The following RFX3 variants were observed in gnomAD, a reference collection of about 807,000 sequenced individuals.
RFX3 encodes transcription factor RFX3.
A neutral mutation model predicts 98.6 loss-of-function variants in RFX3; 14 were observed. That is an observed-to-expected ratio of 0.14 (90% confidence interval 0.09 to 0.22). The LOEUF (loss-of-function observed/expected upper bound fraction) is 0.22, where lower values mean the gene tolerates loss of function less well. Among genes scored for constraint, RFX3 ranks in the 10% least tolerant of loss-of-function variants. The pLI, the probability that RFX3 is intolerant of heterozygous loss-of-function variation, is 1.00. For missense variants in RFX3, 639 were observed against 926.9 expected, an observed-to-expected ratio of 0.69 and a Z score of 4.03; for synonymous variants, 383 against 328.4, an observed-to-expected ratio of 1.17 and a Z score of -1.80.
intron 7 of RFX3, among the ~76,000 whole-genome samples, chr9:3,280,527 C>A (rs74861110): frequency 7.2e-4 from 109 of 151,816 alleles, no homozygotes; most frequent in African/African-American, 2.6e-3. Context: ...CCTACCCTCA[C>A]CTCTGAAGTT....
intron 5 of RFX3, among the ~76,000 whole-genome samples, chr9:3,299,227 T>G (rs1436812168): frequency 6.6e-6 from 1 of 151,802 alleles, no homozygotes; most frequent in African/African-American, 2.4e-5. Flanking sequence ...ATTCACAGAA[T>G]GTAAAATACT....
At chr9:3,282,854 T>C (rs1457742261) in intron 7 of RFX3, among the ~76,000 whole-genome samples, 2 of 151,832 alleles carry the variant, frequency 1.3e-5, no homozygotes, top group East Asian at 3.9e-4. Context: ...AGTGAGCTTC[T>C]TGAATACAGC....
intron 16 of RFX3, among the ~76,000 whole-genome samples, chr9:3,225,642 G>C (rs1196614148): frequency 6.6e-6 from 1 of 152,126 alleles, no homozygotes; most frequent in African/African-American, 2.4e-5. Context: ...GGCTTTTGGG[G>C]AATGTACTGA....
At chr9:3,271,167 A>T (rs762714396) in intron 9 of RFX3, 49 bp from the exon 10 acceptor site, 37 of 1,510,818 alleles carry the variant, frequency 2.4e-5, no homozygotes, top group Admixed American at 3.3e-5. Flanking sequence ...TATTTACGGG[A>T]CTGTGTGAGG....
chr9:3,478,642 T>A (rs760782282), intron 1 of RFX3, among the ~76,000 whole-genome samples: 7 of 152,174 alleles, frequency 4.6e-5, no homozygotes, highest in Non-Finnish European at 1.0e-4. Context: ...GCTTACACAG[T>A]GCCTCAAGAT....
intron 3 of RFX3, among the ~76,000 whole-genome samples, chr9:3,331,954 G>T (rs538833507): frequency 5.4e-4 from 82 of 152,220 alleles, no homozygotes; most frequent in Admixed American, 2.9e-3. Flanking sequence ...TTTAACGTAT[G>T]ATGAGATTCC....
chr9:3,271,933 C>A (rs549504443), intron 9 of RFX3, among the ~76,000 whole-genome samples: 1 of 152,036 alleles, frequency 6.6e-6, no homozygotes, highest in African/African-American at 2.4e-5. Context: ...ACCTCCTTTA[C>A]GGAACAACCT....
intron 1 of RFX3, among the ~76,000 whole-genome samples, chr9:3,404,386 A>G (rs1401998360): frequency 6.6e-6 from 1 of 152,172 alleles, no homozygotes; most frequent in Non-Finnish European, 1.5e-5. Flanking sequence ...GATACTTAAC[A>G]GAAAAATTAT....
At chr9:3,403,800 C>T (rs1295264900) in intron 1 of RFX3, among the ~76,000 whole-genome samples, 1 of 152,134 alleles carries the variant, frequency 6.6e-6, no homozygotes, top group Non-Finnish European at 1.5e-5. Context: ...TACAGAGCCA[C>T]AAAAGAAACG....
intron 1 of RFX3, among the ~76,000 whole-genome samples, chr9:3,432,518 G>C (rs2132551376): frequency 6.6e-6 from 1 of 152,200 alleles, no homozygotes; most frequent in Middle Eastern, 3.4e-3. Context: ...CCCAGACTTT[G>C]TACATGACTT....
At chr9:3,306,712 G>T (rs1230998139) in intron 4 of RFX3, among the ~76,000 whole-genome samples, 1 of 151,334 alleles carries the variant, frequency 6.6e-6, no homozygotes, top group Non-Finnish European at 1.5e-5. Context: ...TAACAAACCT[G>T]CAGGTTGTGC....
chr9:3,359,974 T>C (rs1001353594), intron 2 of RFX3, among the ~76,000 whole-genome samples: 7 of 152,156 alleles, frequency 4.6e-5, no homozygotes, highest in African/African-American at 1.7e-4. Context: ...TATTTTCTAT[T>C]TTAGTTGCCA....
At chr9:3,339,226 GT>G (rs1833575438) in intron 3 of RFX3, among the ~76,000 whole-genome samples, 1 of 152,068 alleles carries the variant, frequency 6.6e-6, no homozygotes, top group South Asian at 2.1e-4. Context: ...TGCTATAATG[GT>G]TTTTGAAGCA....
chr9:3,434,653 G>A (rs1023152659), intron 1 of RFX3, among the ~76,000 whole-genome samples: 2 of 151,988 alleles, frequency 1.3e-5, no homozygotes, highest in Admixed American at 6.6e-5. Context: ...CACCTCTTTA[G>A]AAAGCAGTGC....
At chr9:3,498,586 T>C (rs1851277119) in intron 1 of RFX3, among the ~76,000 whole-genome samples, 1 of 152,046 alleles carries the variant, frequency 6.6e-6, no homozygotes, top group South Asian at 2.1e-4. Context: ...GTGATATCCT[T>C]TTTTTGTTGT....
intron 1 of RFX3, chr9:3,469,219 A>G (rs900056953): frequency 2.2e-6 from 1 of 455,360 alleles, no homozygotes; most frequent in Non-Finnish European, 4.4e-6. Flanking sequence ...GAAAATGCAT[A>G]CTGAATTTGT....
chr9:3,281,104 C>T (rs1344134893), intron 7 of RFX3, among the ~76,000 whole-genome samples: 1 of 151,578 alleles, frequency 6.6e-6, no homozygotes, highest in Admixed American at 6.6e-5. Flanking sequence ...GGGTAGGCCA[C>T]TATAGGCACA....
intron 9 of RFX3, 109 bp from the exon 10 acceptor site, chr9:3,271,227 A>G (rs1824388313): frequency 2.5e-6 from 2 of 808,742 alleles, no homozygotes; most frequent in Non-Finnish European, 2.0e-6. Flanking sequence ...CCTTGGGGTC[A>G]TAAGTTAACA....
chr9:3,334,715 A>G (rs1392522820), intron 3 of RFX3, among the ~76,000 whole-genome samples: 1 of 152,206 alleles, frequency 6.6e-6, no homozygotes, highest in African/African-American at 2.4e-5. Flanking sequence ...AATTATATTA[A>G]GGAATGAAGT....
Sources: allele counts gnomAD v4.1 joint callset (sites outside exome capture counted in the v4.1 genomes callset), GRCh38; gene constraint gnomAD v4.1.1; transcripts MANE v1.5; gene names NCBI Gene and HGNC (gene_info 2026-07-23, HGNC 2026-07-21).